The following SFMBT1 variants were observed in gnomAD, a reference collection of about 807,000 sequenced individuals.
SFMBT1 encodes scm-like with four MBT domains protein 1.
SFMBT1 carries 32 observed loss-of-function variants against 108.7 expected under a neutral mutation model. The ratio of observed to expected loss-of-function variants is 0.29; its 90% confidence interval spans 0.22 to 0.40. SFMBT1 has a LOEUF of 0.40. Ranked by LOEUF, SFMBT1 falls within the 10% of genes least tolerant of loss-of-function variation. The pLI is 1.00. For missense variants in SFMBT1, 816 were observed against 1,059.6 expected (o/e 0.77, Z 3.19); for synonymous variants, 348 against 369.5 (o/e 0.94, Z 0.67).
intron 3 of SFMBT1, among the ~76,000 whole-genome samples, chr3:52,950,413 C>A (rs1703533396): frequency 6.6e-6 from 1 of 152,210 alleles, no homozygotes. Flanking sequence ...TATATGTAAG[C>A]ATGCCTTAGC....
intron 1 of SFMBT1, among the ~76,000 whole-genome samples, chr3:53,037,734 G>C (rs1283598753): frequency 6.6e-6 from 1 of 152,132 alleles, no homozygotes; most frequent in Non-Finnish European, 1.5e-5. Context: ...AGCACTTTGG[G>C]AAGCTGAGGC....
chr3:53,016,535 C>T (rs887573087), intron 1 of SFMBT1, among the ~76,000 whole-genome samples: 1 of 152,144 alleles, frequency 6.6e-6, no homozygotes, highest in Non-Finnish European at 1.5e-5. Context: ...TGACATATCC[C>T]CGTGTTTTAA....
At chr3:53,036,612 T>C (rs917222222) in intron 1 of SFMBT1, among the ~76,000 whole-genome samples, 2 of 152,200 alleles carry the variant, frequency 1.3e-5, no homozygotes, top group South Asian at 4.1e-4. Context: ...GCACCCAACT[T>C]GGAAGCCCAA....
At chr3:53,043,139 A>G (rs1700109114) in intron 1 of SFMBT1, 1 of 152,246 alleles carries the variant, frequency 6.6e-6, no homozygotes, top group Admixed American at 6.5e-5. Context: ...CACTTACAAC[A>G]TCTAACCCAT....
chr3:52,918,490 T>G lies in SFMBT1; in HGVS notation c.1409A>C (p.Glu470Ala), dbSNP rs1702423830. 2 of 1,561,672 alleles carry G rather than the reference T, an allele frequency of 1.3e-6. No individual in the cohort carries two copies. Among genetic ancestry groups the G allele is most frequent in the Non-Finnish European group, 1.7e-6 (2 of 1,160,508 alleles). The change falls in exon 13 of 21, where the codon GAA becomes GCA. Residue 470 changes from glutamate (E) to alanine (A), a missense_variant. Glu to Ala is a moderately radical substitution (Grantham distance 107). Around this residue, in one of 5 missense-constraint regions of SFMBT1, gnomAD observed 495 missense variants for 607.4 expected, o/e 0.81. Coordinates refer to ENST00000394752, the MANE Select transcript of SFMBT1 (RefSeq NM_016329.4). ...KQRKIAVVQP[E>A]KQVPSSRTVH... The stretch of plus-strand genomic sequence containing the variant: ...ATATTATTACGTTACTTACTGTTTT[T>G]CTGGCTGAACCACTGCAATTTTCCT...
At chr3:52,988,216 T>C (rs1450837114) in intron 1 of SFMBT1, among the ~76,000 whole-genome samples, 1 of 152,250 alleles carries the variant, frequency 6.6e-6, no homozygotes, top group Non-Finnish European at 1.5e-5. Flanking sequence ...ACATTAAACA[T>C]ACAAGCATTT....
At position 52,928,198 on chromosome 3, in the gene SFMBT1, G is replaced by A; in HGVS notation, c.1041C>T (p.Pro347=). 1 of 1,610,452 alleles carries A rather than the reference G, an allele frequency of 6.2e-7. No homozygotes were observed. The highest frequency in any genetic ancestry group is 8.5e-7 in the Non-Finnish European group (1 of 1,178,508). The change falls in exon 9 of 21, where the codon CCC becomes CCT. Residue 347 remains proline, a synonymous_variant. Coordinates refer to ENST00000394752, the MANE Select transcript of SFMBT1 (RefSeq NM_016329.4). ...AAGACAGCGAATGTGCACCTGGAGG[G>A]GGGCTGATGTGTAGGCCATTCTTCA... is the stretch of plus-strand genomic sequence containing the variant. ...WSLKNGLHIS[P]PPGYPSQDFD...
At chr3:53,043,342 TG>T (rs1700116224) in intron 1 of SFMBT1, 1 of 152,246 alleles carries the variant, frequency 6.6e-6, no homozygotes. Context: ...GTTAACCTTT[TG>T]TTTTTGCTTT....
chr3:52,907,590 C>G lies in SFMBT1; in HGVS notation c.2050G>C (p.Ala684Pro). The change falls in exon 18 of 21, where the codon GCA (alanine) becomes CCA (proline). Residue 684 changes from alanine (A) to proline (P), a missense_variant. By Grantham distance (27) the Ala-to-Pro change is conservative (BLOSUM62 -1). Transcript: ENST00000394752. ...VFVHKKKRSS[A>P]SVDNTPAGSP... Reference sequence around the variant, plus strand: ...CCCGCTGGGGTATTATCAACAGATGCAGAGGAGCGTTTCTTCTTATGAACA... The same window carrying G: ...CCCGCTGGGGTATTATCAACAGATGGAGAGGAGCGTTTCTTCTTATGAACA... 1.2e-6 allele frequency: 2 copies of G among 1,613,948 alleles called. No homozygotes were observed. Among genetic ancestry groups the G allele is most frequent in the South Asian group, 1.1e-5 (1 of 91,040 alleles).
At chr3:52,914,542 A>C (rs1165648273) in intron 14 of SFMBT1, among the ~76,000 whole-genome samples, 1 of 152,150 alleles carries the variant, frequency 6.6e-6, no homozygotes, top group Non-Finnish European at 1.5e-5. Context: ...CCTGGGTAAC[A>C]CAGTGAAGCC....
intron 10 of SFMBT1, among the ~76,000 whole-genome samples, chr3:52,924,309 G>C (rs1194163480): frequency 1.3e-5 from 2 of 152,118 alleles, no homozygotes. Context: ...AAAGGGGAGT[G>C]GGCAATTCCC....
chr3:52,929,053 A>C (rs890852664), intron 8 of SFMBT1, among the ~76,000 whole-genome samples: 4 of 152,036 alleles, frequency 2.6e-5, no homozygotes, highest in African/African-American at 4.8e-5. Context: ...ATGAGTTCAA[A>C]CAGAGGTTAA....
chr3:52,930,125 T>C (rs1702811216), intron 8 of SFMBT1, among the ~76,000 whole-genome samples: 1 of 152,204 alleles, frequency 6.6e-6, no homozygotes, highest in South Asian at 2.1e-4. Context: ...CAAGGCTGCT[T>C]TGGCTAGGGC....
intron 1 of SFMBT1, among the ~76,000 whole-genome samples, chr3:53,018,480 T>A (rs1699198500): frequency 1.3e-5 from 2 of 152,134 alleles, no homozygotes. Context: ...TCTACACCCC[T>A]ATCTACCATA....
chr3:52,913,502 C>T lies in SFMBT1; in HGVS notation c.1596G>A (p.Gly532=), dbSNP rs1417793863. 1.2e-6 allele frequency: 2 copies of T among 1,614,052 alleles called. No homozygotes were observed. The highest frequency in any genetic ancestry group is 1.7e-5 in the Admixed American group (1 of 60,012). Residue 532 remains glycine (G), a synonymous_variant, in exon 15 of 21, where the codon GGG becomes GGA. Transcript: ENST00000394752. ...CCTCTCTAAGGACCAGAACACAGTT[C>T]CCAGGTCCTACACATTGAGGCAGCT... ...IAELPQCVGP[G]NCVLVLREVL...
chr3:52,905,432 TG>T (rs1280728397), intron 20 of SFMBT1, among the ~76,000 whole-genome samples, 156 bp from the exon 21 acceptor site: 2 of 152,248 alleles, frequency 1.3e-5, no homozygotes, highest in Non-Finnish European at 2.9e-5. Flanking sequence ...TCCTTTTAAG[TG>T]ACTCCATAGT....
At chr3:53,001,830 G>A (rs893318711) in intron 1 of SFMBT1, among the ~76,000 whole-genome samples, 4 of 147,496 alleles carry the variant, frequency 2.7e-5, no homozygotes, top group African/African-American at 9.8e-5. Context: ...GGAGGCTGAG[G>A]CTGGAGGATA....
Position 52,988,390 on chromosome 3 carries a change from G to T in SFMBT1, c.-130-19132C>A, listed in dbSNP as rs114754842. The stretch of plus-strand genomic sequence containing the variant: ...TAGGCTACCACCCCTCAAAAATCAC[G>T]ACAGGCAACCATACAGGTCAGTCCC... On this transcript the variant is annotated intron_variant, in intron 1 of 20. Coordinates refer to ENST00000394752, the MANE Select transcript of SFMBT1 (RefSeq NM_016329.4). 2.6e-5 allele frequency among the ~76,000 whole-genome samples: 4 copies of T among 152,104 alleles called. No homozygotes were observed. In the East Asian group the frequency reaches 5.8e-4, roughly 22 times the overall value.
intron 2 of SFMBT1, among the ~76,000 whole-genome samples, chr3:52,967,312 G>A (rs1360774282): frequency 1.3e-5 from 2 of 152,052 alleles, no homozygotes; most frequent in African/African-American, 4.8e-5. Flanking sequence ...CAGGCATGTT[G>A]AAAAGAAAAG....
Sources: allele counts gnomAD v4.1 joint callset (sites outside exome capture counted in the v4.1 genomes callset), GRCh38; gene constraint gnomAD v4.1.1; regional missense constraint gnomAD v4.1.1; transcripts MANE v1.5; gene names NCBI Gene and HGNC (gene_info 2026-07-23, HGNC 2026-07-21).